The following GREB1 variants were observed in gnomAD, a reference collection of about 807,000 sequenced individuals.
The protein encoded by GREB1 is growth regulating estrogen receptor binding 1, also known as protein GREB1.
A neutral mutation model predicts 200.7 loss-of-function variants in GREB1; 106 were observed. That is an observed-to-expected ratio of 0.53 (90% CI 0.45 to 0.62). The LOEUF (loss-of-function observed/expected upper bound fraction) is 0.62. Among genes scored for constraint, GREB1 ranks in the 20% least tolerant of loss-of-function variants. The pLI, the probability that GREB1 is intolerant of heterozygous loss-of-function variation, is 0.00. For synonymous variants in GREB1, 1,132 were observed against 1,092.4 expected, an observed-to-expected ratio of 1.04 and a Z score of -0.72; for missense variants, 2,243 against 2,556.8, an observed-to-expected ratio of 0.88 and a Z score of 2.65.
intron 2 of GREB1, among the ~76,000 whole-genome samples, chr2:11,560,465 C>T (rs1395023902): frequency 6.6e-6 from 1 of 152,090 alleles, no homozygotes; most frequent in African/African-American, 2.4e-5. Flanking sequence ...CTTTGGGAGG[C>T]CGAGGCGGGT....
chr2:11,580,619 T>C lies in GREB1; in HGVS notation c.773-85T>C, dbSNP rs1679369400. The C allele has an allele frequency of 6.8e-7, 1 of 1,473,774 alleles. No individual in the cohort carries two copies. The highest frequency in any genetic ancestry group is 1.4e-5 in the African/African-American group (1 of 71,260). The allele number at this position is 1,473,774 out of a possible 1,614,324, so 91.3% of individuals were successfully genotyped here. On this transcript the variant is annotated intron_variant, in intron 6 of 32. Coordinates refer to ENST00000381486, the MANE Select transcript of GREB1 (RefSeq NM_014668.4). This position sits in a 1 kb window ranked among gnomAD's most constrained non-coding sequence, Gnocchi z 4.5. ...CTGGGGAAAAGCTAGTTTGTGAAAC[T>C]GCAAGGAAAATGATTTCCTCCTTGC...
chr2:11,630,001 G>A lies in GREB1; in HGVS notation c.4503G>A (p.Glu1501=), dbSNP rs1684760177. The A allele has an allele frequency of 1.2e-6, 2 of 1,614,054 alleles. No individual in the cohort carries two copies. The highest frequency in any genetic ancestry group is 2.7e-5 in the African/African-American group (2 of 74,936). Residue 1501 remains glutamate (E), a synonymous_variant, in exon 26 of 33, where the codon GAG becomes GAA. Transcript: ENST00000381486. Reference sequence around the variant, plus strand: ...CCTTCTCTTACTCCATGCTAGGAGAGGAGATCCAGCTGCACTTCATCATCC... The same window carrying A: ...CCTTCTCTTACTCCATGCTAGGAGAAGAGATCCAGCTGCACTTCATCATCC... ...AFAFSYSMLG[E]EIQLHFIIPK...
intron 11 of GREB1, among the ~76,000 whole-genome samples, chr2:11,594,779 G>A (rs13016186): frequency 0.5 from 76,443 of 151,572 alleles, 19,262 homozygotes; most frequent in Middle Eastern, 0.6. Flanking sequence ...TGCAAGCTCC[G>A]CCTCCTGGGT....
At chr2:11,550,581 C>G (rs1219043425) in intron 1 of GREB1, among the ~76,000 whole-genome samples, 3 of 152,180 alleles carry the variant, frequency 2.0e-5, no homozygotes, top group East Asian at 3.9e-4. Flanking sequence ...TTCAGCCCTA[C>G]TTTTCACCTT....
chr2:11,623,555 C>T (rs1684178251), intron 23 of GREB1, among the ~76,000 whole-genome samples: 2 of 152,072 alleles, frequency 1.3e-5, no homozygotes, highest in Admixed American at 1.3e-4. Context: ...GCTGTAAAGG[C>T]TGGGCGAGTG....
chr2:11,516,819 C>T (rs1220432235), intron 1 of GREB1, among the ~76,000 whole-genome samples: 1 of 152,244 alleles, frequency 6.6e-6, no homozygotes, highest in Non-Finnish European at 1.5e-5. Flanking sequence ...TCTGTGCTAA[C>T]AGGCTCTCAC....
At chr2:11,515,116 A>G (rs1673452999) in intron 1 of GREB1, among the ~76,000 whole-genome samples, 1 of 140,020 alleles carries the variant, frequency 7.1e-6, no homozygotes, top group South Asian at 2.2e-4. Flanking sequence ...CCTTCCATCC[A>G]TCCATCCATC....
At chr2:11,534,909 C>T (rs561569371) in intron 1 of GREB1, among the ~76,000 whole-genome samples, 57 of 152,206 alleles carry the variant, frequency 3.7e-4, no homozygotes, top group African/African-American at 7.5e-4. Flanking sequence ...CCACAGGGGG[C>T]GCTGGTGTCT....
Position 11,598,642 on chromosome 2 carries a change from A to G in GREB1, c.2153-38A>G, listed in dbSNP as rs774260188. 4 of 1,593,960 alleles carry G rather than the reference A, an allele frequency of 2.5e-6. No homozygotes were observed. The African/African-American group carries it at 4.0e-5, about 16-fold the overall frequency. ...GTTGAGTGAATGAAACCCAGTGCGC[A>G]TGTTTGCAGTTACTGATGTATGTTC... On this transcript the variant is annotated intron_variant, in intron 14 of 32. Transcript: ENST00000381486.
chr2:11,553,644 C>T (rs1676150325), intron 1 of GREB1, among the ~76,000 whole-genome samples: 1 of 151,856 alleles, frequency 6.6e-6, no homozygotes, highest in Admixed American at 6.6e-5. Flanking sequence ...ATAAAATGGG[C>T]TTCATCATAC....
In GREB1 at chr2:11,620,959, G is replaced by A. The variant is rs1683960207; in HGVS notation, c.4099G>A (p.Val1367Ile). 2 of 1,613,248 alleles carry A rather than the reference G, an allele frequency of 1.2e-6. No individual in the cohort carries two copies. The highest frequency in any genetic ancestry group is 1.7e-6 in the Non-Finnish European group (2 of 1,179,148). The part of the protein sequence containing the change: ...QFLSVLSRML[V>I]RLTEVDVYDE... ...CCTCAGTGTCCTGTCCAGGATGCTT[G>A]TTCGGCTCACAGAAGTGGATGTCTA... Residue 1367 changes from valine to isoleucine, a missense_variant, in exon 23 of 33, where the codon GTT becomes ATT. Val to Ile is a conservative substitution (Grantham distance 29, BLOSUM62 3). Coordinates refer to ENST00000381486, the MANE Select transcript of GREB1 (RefSeq NM_014668.4).
chr2:11,582,247 C>G (rs1351168007), intron 7 of GREB1, among the ~76,000 whole-genome samples: 1 of 152,182 alleles, frequency 6.6e-6, no homozygotes, highest in Non-Finnish European at 1.5e-5. Context: ...CCTTGGGAAG[C>G]CTTCTGTGTG....
chr2:11,597,411 C>T lies in GREB1; in HGVS notation c.1955-370C>T, dbSNP rs1681371409. Among the ~76,000 whole-genome samples the T allele has an allele frequency of 1.3e-5, 2 of 152,128 alleles. No individual in the cohort carries two copies. Among genetic ancestry groups the T allele is most frequent in the South Asian group, 4.2e-4 (2 of 4,802 alleles). On this transcript the variant is annotated intron_variant, in intron 13 of 32. Transcript: ENST00000381486. This position sits in a 1 kb window ranked among gnomAD's most constrained non-coding sequence, Gnocchi z 4.1. Reference sequence around the variant, plus strand: ...TCATACAGAGTTCCTAAATGACTGTCGTGTTAGTTTTCTTTTCTGGAGAGT... The same window carrying T: ...TCATACAGAGTTCCTAAATGACTGTTGTGTTAGTTTTCTTTTCTGGAGAGT...
chr2:11,565,091 G>A (rs1328915084), intron 3 of GREB1, among the ~76,000 whole-genome samples: 1 of 152,224 alleles, frequency 6.6e-6, no homozygotes. Flanking sequence ...GTGGGTGGGG[G>A]CACAGCCAGA....
chr2:11,568,442 T>G (rs73193203), intron 4 of GREB1, among the ~76,000 whole-genome samples: 2,926 of 152,320 alleles, frequency 0.019, 94 homozygotes, highest in African/African-American at 0.067. Context: ...GCCAACTCTT[T>G]TGAGGCAGGC....
chr2:11,638,673 T>A lies in GREB1; in HGVS notation c.5550T>A (p.Ile1850=). ...VDCYLNLGSQ[I]SVCYVSSRPH... ...CTCTTGGATTTCTTCTTTTTCAGAT[T>A]TCTGTTTGCTATGTGAGCTCCAGGC... is the stretch of plus-strand genomic sequence containing the variant. Residue 1850 remains isoleucine (I), a splice_region_variant and synonymous_variant, in exon 32 of 33, where the codon ATT becomes ATA. Transcript: ENST00000381486. 6.2e-7 allele frequency: 1 copy of A among 1,609,690 alleles called. No homozygotes were observed. Among genetic ancestry groups the A allele is most frequent in the Non-Finnish European group, 8.5e-7 (1 of 1,179,048 alleles).
chr2:11,511,626 G>A (rs10174895), intron 1 of GREB1, among the ~76,000 whole-genome samples: 143,918 of 152,224 alleles, frequency 0.95, 68,511 homozygotes, highest in South Asian at 1. Context: ...GGGCGTCTGC[G>A]CAGGAGAGCA....
chr2:11,600,925 A>G lies in GREB1; in HGVS notation c.2459A>G (p.Tyr820Cys). The G allele has an allele frequency of 6.2e-7, 1 of 1,614,120 alleles. No individual in the cohort carries two copies. The highest frequency in any genetic ancestry group is 8.5e-7 in the Non-Finnish European group (1 of 1,180,010). The change falls in exon 16 of 33, where the codon TAT becomes TGT. Residue 820 changes from tyrosine (Y) to cysteine (C), a missense_variant. By Grantham distance (194) the Tyr-to-Cys change is radical. Transcript: ENST00000381486. Reference sequence around the variant, plus strand: ...ACACTTCACGTGACCTCCTTCCCGTATGCACTGCAGACACAGCACACCCTC... The same window carrying G: ...ACACTTCACGTGACCTCCTTCCCGTGTGCACTGCAGACACAGCACACCCTC... ...IVTLHVTSFPYALQTQHTLIS... is the reference protein window; with the variant it reads ...IVTLHVTSFPCALQTQHTLIS...
At chr2:11,515,598 G>A (rs921892275) in intron 1 of GREB1, among the ~76,000 whole-genome samples, 2 of 152,094 alleles carry the variant, frequency 1.3e-5, no homozygotes, top group Non-Finnish European at 2.9e-5. Context: ...GCCTGAGGGC[G>A]GGGGGAGGGC....
Sources: gnomAD v4.1 joint callset for allele counts (sites outside exome capture counted in the v4.1 genomes callset) on GRCh38, gnomAD v4.1.1 for gene constraint, Gnocchi (gnomAD v3.1) non-coding constraint, MANE v1.5 for transcripts, NCBI Gene and HGNC (gene_info 2026-07-23, HGNC 2026-07-21) for gene names.